YARS1: variants seen among roughly 807,000 people sequenced by gnomAD.
YARS1 encodes tyrosyl-tRNA synthetase 1, also known as tyrosine--tRNA ligase, cytoplasmic.
In YARS1, 36 loss-of-function variants were observed where a neutral mutation model predicts 62.2. The ratio of observed to expected loss-of-function variants is 0.58; its 90% CI spans 0.44 to 0.76. The LOEUF is 0.76. YARS1 is among the 30% of genes least tolerant of loss of function. The probability of loss-of-function intolerance (pLI) is 0.00; values close to 1 mark genes in which losing one functional copy is unlikely to be tolerated. For missense variants in YARS1, 524 were observed against 639.8 expected (o/e 0.82, Z 1.95); for synonymous variants, 234 against 244.9 (o/e 0.96, Z 0.42).
At chr1:32,813,252 CTG>C (rs968668897) in intron 1 of YARS1, among the ~76,000 whole-genome samples, 1 of 152,328 alleles carries the variant, frequency 6.6e-6, no homozygotes, top group African/African-American at 2.4e-5. Context: ...CTTCCTGAGG[CTG>C]TGTCAGGTGC....
chr1:32,782,976 A>C (rs1653108438), intron 8 of YARS1: 1 of 192,784 alleles, frequency 5.2e-6, no homozygotes, highest in Non-Finnish European at 1.1e-5. Flanking sequence ...GCTGTGTGCG[A>C]CTCCAAACTA....
chr1:32,810,647 A>G lies in YARS1; in HGVS notation c.324T>C (p.Ile108=). The G allele has an allele frequency of 6.2e-7, 1 of 1,613,910 alleles. No individual in the cohort carries two copies. Among genetic ancestry groups the G allele is most frequent in the Non-Finnish European group, 8.5e-7 (1 of 1,180,034 alleles). The change falls in exon 3 of 13, where the codon ATT becomes ATC. Residue 108 remains isoleucine (I), a synonymous_variant. Transcript: ENST00000373477. ...ENVIKAMLES[I]GVPLEKLKFI... Reference sequence around the variant, plus strand: ...ACTTGAGCTTCTCCAAGGGCACACCAATGCTCTCCAGCATTGCTTTGATCA... The same window carrying G: ...ACTTGAGCTTCTCCAAGGGCACACCGATGCTCTCCAGCATTGCTTTGATCA...
intron 10 of YARS1, chr1:32,780,503 T>C: frequency 1.7e-6 from 1 of 583,824 alleles, no homozygotes; most frequent in Non-Finnish European, 3.1e-6. Flanking sequence ...TGGACCTAGA[T>C]GCTTGTGTTA....
intron 4 of YARS1, among the ~76,000 whole-genome samples, chr1:32,800,202 G>T (rs1314904808): frequency 6.6e-6 from 1 of 152,030 alleles, no homozygotes; most frequent in Non-Finnish European, 1.5e-5. Flanking sequence ...GGCTGGTCTT[G>T]AACTCCCAAC....
rs754175779 is a variant in YARS1 at position 32,786,448 on chromosome 1, C to G, written c.821-1G>C. The stretch of plus-strand genomic sequence containing the variant: ...TTCTCATCTCGTAGGATCACAAACT[C>G]TATAAGGAAAAGGATCCATGTCAAC... On this transcript the variant is annotated splice_acceptor_variant, in intron 7 of 12. Coordinates refer to ENST00000373477, the MANE Select transcript of YARS1 (RefSeq NM_003680.4). LOFTEE classifies it high-confidence loss of function. The G allele has an allele frequency of 3.7e-6, 6 of 1,613,310 alleles. No homozygotes were observed. The highest frequency in any genetic ancestry group is 5.1e-6 in the Non-Finnish European group (6 of 1,179,578).
chr1:32,793,923 T>C (rs552744436), intron 5 of YARS1, among the ~76,000 whole-genome samples: 27 of 152,294 alleles, frequency 1.8e-4, no homozygotes, highest in Non-Finnish European at 3.5e-4. Flanking sequence ...AGAACTGCAC[T>C]ACAAACACAT....
chr1:32,813,752 ATAC>A (rs1638635718), intron 1 of YARS1, among the ~76,000 whole-genome samples: 1 of 152,146 alleles, frequency 6.6e-6, no homozygotes, highest in Non-Finnish European at 1.5e-5. Context: ...ATACTACATC[ATAC>A]TACTAAATTC....
Position 32,784,814 on chromosome 1 carries a change from G to A in YARS1, c.906+1548C>T, listed in dbSNP as rs113641360. Among the ~76,000 whole-genome samples, 484 of 152,008 alleles carry A rather than the reference G, an allele frequency of 3.2e-3. 7 individuals are homozygous for A. Among genetic ancestry groups the A allele is most frequent in the African/African-American group, 0.011 (454 of 41,448 alleles). On this transcript the variant is annotated intron_variant, in intron 8 of 12. Transcript: ENST00000373477. ...AATGAAATGTTTACAAGTCTGCCTCGCCTACTGGACTGAGCATTAGGAGGA... is the reference window on the plus strand; with the variant it reads ...AATGAAATGTTTACAAGTCTGCCTCACCTACTGGACTGAGCATTAGGAGGA...
chr1:32,811,012 C>CCCG lies in YARS1; in HGVS notation c.100_102dup (p.Arg34dup). On this transcript the variant is annotated inframe_insertion, in exon 2 of 13. Transcript: ENST00000373477. ...GCCGTTCCCCAGTAAATTTTAAGTT[C>CCCG]CCGCTCCTTCAGTATCTCCTTCAGC... 6.2e-7 allele frequency: 1 copy of CCCG among 1,614,162 alleles called. No individual in the cohort carries two copies.
intron 5 of YARS1, among the ~76,000 whole-genome samples, chr1:32,791,945 T>A (rs538713583): frequency 3.2e-4 from 48 of 152,070 alleles, no homozygotes; most frequent in African/African-American, 1.1e-3. Context: ...CAGGTGCTGA[T>A]AAAAAGAGAC....
At chr1:32,805,406 G>A (rs1638436879) in intron 4 of YARS1, among the ~76,000 whole-genome samples, 1 of 152,078 alleles carries the variant, frequency 6.6e-6, no homozygotes, top group African/African-American at 2.4e-5. Flanking sequence ...TCTAGAGTAG[G>A]CTTTAGATTA....
chr1:32,812,820 T>C (rs1638614121), intron 1 of YARS1, among the ~76,000 whole-genome samples: 1 of 151,798 alleles, frequency 6.6e-6, no homozygotes. Context: ...ATACAAAAAT[T>C]AGCAGGGCAT....
chr1:32,777,272 G>A (rs1652898780), intron 12 of YARS1, among the ~76,000 whole-genome samples: 1 of 151,966 alleles, frequency 6.6e-6, no homozygotes, highest in African/African-American at 2.4e-5. Flanking sequence ...CAGGTGATCT[G>A]CCTGCCTTGG....
Position 32,778,158 on chromosome 1 carries a change from T to C in YARS1, c.1476+1224A>G, listed in dbSNP as rs558791277. 2.0e-5 allele frequency among the ~76,000 whole-genome samples: 3 copies of C among 152,054 alleles called. No individual in the cohort carries two copies. In the East Asian group the frequency reaches 5.8e-4, roughly 29 times the overall value. ...TTAACTAGAAAGAGTCACCCATGAG[T>C]GTTAGTTCCATGAGGAGAGTCAACT... On this transcript the variant is annotated intron_variant, in intron 12 of 12. Transcript: ENST00000373477.
At position 32,781,088 on chromosome 1, in the gene YARS1, C is replaced by A; in HGVS notation, c.1100G>T (p.Arg367Leu). 3 of 1,614,214 alleles carry A rather than the reference C, an allele frequency of 1.9e-6. No individual in the cohort carries two copies. The highest frequency in any genetic ancestry group is 1.7e-6 in the Non-Finnish European group (2 of 1,180,044). ...GATTTTCCCCACACGGATATCCAGC[C>A]GGGATGGGATGACCTCCTCTGGTTC... ...NSEPEEVIPSRLDIRVGKIIT... is the reference protein window; with the variant it reads ...NSEPEEVIPSLLDIRVGKIIT... The change falls in exon 10 of 13, where the codon CGG (arginine) becomes CTG (leucine). Residue 367 changes from arginine (R) to leucine (L), a missense_variant. By Grantham distance (102) the Arg-to-Leu change is moderately radical. Coordinates refer to ENST00000373477, the MANE Select transcript of YARS1 (RefSeq NM_003680.4).
intron 1 of YARS1, among the ~76,000 whole-genome samples, chr1:32,812,833 T>C (rs1167479297): frequency 6.6e-6 from 1 of 152,064 alleles, no homozygotes; most frequent in Non-Finnish European, 1.5e-5. Context: ...CAGGGCATGG[T>C]GGCAGGCGCC....
rs1653091125 is a variant in YARS1, at chr1:32,782,459, A to G, written c.987T>C (p.Asn329=). The G allele has an allele frequency of 1.9e-6, 3 of 1,613,992 alleles. No individual in the cohort carries two copies. Among genetic ancestry groups the G allele is most frequent in the African/African-American group, 1.3e-5 (1 of 74,900 alleles). The change falls in exon 9 of 13, where the codon AAT becomes AAC. Residue 329 remains asparagine, a synonymous_variant. Coordinates refer to ENST00000373477, the MANE Select transcript of YARS1 (RefSeq NM_003680.4). ...KLLDPIREKF[N]TPALKKLASA... is the part of the protein sequence containing the mutation. ...TGGCCAGTTTTTTCAGGGCAGGGGT[A>G]TTAAACTTTTCCCGGATTGGATCCA...
chr1:32,813,208 G>A (rs1638626118), intron 1 of YARS1, among the ~76,000 whole-genome samples: 1 of 152,174 alleles, frequency 6.6e-6, no homozygotes, highest in South Asian at 2.1e-4. Flanking sequence ...AAACGAAGCT[G>A]TAACCCAACC....
intron 3 of YARS1, among the ~76,000 whole-genome samples, chr1:32,807,697 A>T (rs1000035850): frequency 1.3e-4 from 19 of 151,998 alleles, no homozygotes; most frequent in African/African-American, 4.6e-4. Context: ...GGCTCGAGCA[A>T]TCTGCCCACC....
Sources: gnomAD v4.1 joint callset for allele counts (sites outside exome capture counted in the v4.1 genomes callset) on GRCh38, gnomAD v4.1.1 for gene constraint, MANE v1.5 for transcripts, NCBI Gene and HGNC (gene_info 2026-07-23, HGNC 2026-07-21) for gene names.